The following POLG2 variants were observed in gnomAD, a reference collection of about 807,000 sequenced individuals.
The protein encoded by POLG2 is DNA polymerase subunit gamma-2.
POLG2 carries 50 observed loss-of-function variants against 56.5 expected under a neutral mutation model. The ratio of observed to expected loss-of-function variants is 0.88; its 90% CI spans 0.71 to 1.12. The LOEUF (loss-of-function observed/expected upper bound fraction) is 1.12, where lower values mean the gene tolerates loss of function less well. POLG2 is among the 50% of genes most tolerant of loss of function. The pLI is 0.00. For synonymous variants in POLG2, 226 were observed against 222.6 expected (o/e 1.02, Z -0.14); for missense variants, 584 against 583.3 (o/e 1.00, Z -0.01).
chr17:64,489,905 C>T (rs1168048282), intron 4 of POLG2, among the ~76,000 whole-genome samples: 1 of 152,018 alleles, frequency 6.6e-6, no homozygotes, highest in Non-Finnish European at 1.5e-5. Context: ...GCCCACAACA[C>T]TTATTAATTA....
rs1555666802 is a variant in POLG2 at position 64,482,959 on chromosome 17, G to A, written c.1151C>T (p.Ala384Val). Residue 384 changes from alanine (A) to valine (V), a missense_variant, in exon 6 of 8, where the codon GCT (alanine) becomes GTT (valine). Coordinates refer to ENST00000539111, the MANE Select transcript of POLG2 (RefSeq NM_007215.4). Reference sequence around the variant, plus strand: ...TGTGGGGCCTCTTCCTACATCCAAAGCAACCTTAATAGGGGCTAAACAAGG... The same window carrying A: ...TGTGGGGCCTCTTCCTACATCCAAAACAACCTTAATAGGGGCTAAACAAGG... ...LHPCLAPIKV[A>V]LDVGRGPTLE... is the part of the protein sequence containing the mutation. The A allele has an allele frequency of 1.2e-6, 2 of 1,607,762 alleles. No homozygotes were observed. Among genetic ancestry groups the A allele is most frequent in the Non-Finnish European group, 1.7e-6 (2 of 1,174,360 alleles).
chr17:64,491,193 G>A (rs1175928050), intron 3 of POLG2, among the ~76,000 whole-genome samples: 3 of 152,128 alleles, frequency 2.0e-5, no homozygotes, highest in Non-Finnish European at 2.9e-5. Context: ...CTAGTCACAG[G>A]TACAATCATA....
intron 3 of POLG2, 127 bp from the exon 4 acceptor site, chr17:64,491,096 T>A: frequency 5.4e-6 from 4 of 738,100 alleles, no homozygotes; most frequent in Non-Finnish European, 9.2e-6. Flanking sequence ...ACTAGTCAAG[T>A]CCCGAATACA....
intron 6 of POLG2, among the ~76,000 whole-genome samples, chr17:64,481,901 G>C (rs1301370413): frequency 6.6e-6 from 1 of 151,704 alleles, no homozygotes; most frequent in Non-Finnish European, 1.5e-5. Context: ...TAAATAAAAA[G>C]TTCAAAGGGG....
At chr17:64,485,566 T>C in intron 5 of POLG2, 162 bp downstream of exon 5, 1 of 651,700 alleles carries the variant, frequency 1.5e-6, no homozygotes, top group Non-Finnish European at 2.7e-6. Context: ...AACCTGATTC[T>C]TATTCCTGTG....
Position 64,492,728 on chromosome 17 carries a change from G to C in POLG2, c.734C>G (p.Pro245Arg). 6.2e-7 allele frequency: 1 copy of C among 1,613,120 alleles called. No individual in the cohort carries two copies. The highest frequency in any genetic ancestry group is 8.5e-7 in the Non-Finnish European group (1 of 1,179,522). ...ATCAAGCCACTGGTTTGAAGTTCTC[G>C]GAGGAGTAAACCATACTAACGAAGC... ...TEASLVWFTP[P>R]RTSNQWLDFW... is the part of the protein sequence containing the mutation. The change falls in exon 3 of 8, where the codon CCG (proline) becomes CGG (arginine). Residue 245 changes from proline to arginine, a missense_variant. Physicochemically the swap from Pro to Arg is moderately radical, Grantham distance 103. Transcript: ENST00000539111.
chr17:64,486,374 TAATAC>T lies in POLG2; in HGVS notation c.970-511_970-507del, dbSNP rs1568085461. Among the ~76,000 whole-genome samples the T allele has an allele frequency of 3.3e-5, 5 of 150,630 alleles. No homozygotes were observed. In the South Asian group the frequency reaches 8.5e-4, roughly 25 times the overall value. Reference sequence around the variant, plus strand: ...AGAAAGGTAACACTTTTTTTTTTTTTAATACAGACAGAGTCTCGCTCTGTCACCCA... The same window carrying T: ...AGAAAGGTAACACTTTTTTTTTTTTTAGACAGAGTCTCGCTCTGTCACCCA... On this transcript the variant is annotated intron_variant, in intron 4 of 7. Coordinates refer to ENST00000539111, the MANE Select transcript of POLG2 (RefSeq NM_007215.4).
At chr17:64,483,548 C>A (rs1477562963) in intron 5 of POLG2, among the ~76,000 whole-genome samples, 1 of 151,500 alleles carries the variant, frequency 6.6e-6, no homozygotes, top group Non-Finnish European at 1.5e-5. Context: ...TTGAGACCCT[C>A]CCATTTTCTG....
At chr17:64,486,579 T>G (rs2037960446) in intron 4 of POLG2, among the ~76,000 whole-genome samples, 1 of 152,080 alleles carries the variant, frequency 6.6e-6, no homozygotes, top group African/African-American at 2.4e-5. Context: ...GGCCAGGTTG[T>G]TCTCAAACTC....
At chr17:64,488,718 C>T (rs1568087040) in intron 4 of POLG2, among the ~76,000 whole-genome samples, 1 of 152,282 alleles carries the variant, frequency 6.6e-6, no homozygotes, top group South Asian at 2.1e-4. Flanking sequence ...GGAAAATGTT[C>T]ACCAGTTAAT....
Position 64,477,871 on chromosome 17 carries a change from T to C in POLG2, c.1410A>G (p.Lys470=). 1 of 1,611,632 alleles carries C rather than the reference T, an allele frequency of 6.2e-7. No homozygotes were observed. The part of the protein sequence containing the change: ...TTMKEMMHIS[K]LKDFLIKYIS... ...TATACTTAATCAAAAAGTCTTTTAA[T>C]TTGGATATATGCATCATTTCCTTCA... Residue 470 remains lysine, a synonymous_variant, in exon 8 of 8, where the codon AAA becomes AAG. Transcript: ENST00000539111.
chr17:64,485,487 G>A, intron 5 of POLG2: 3 of 511,816 alleles, frequency 5.9e-6, no homozygotes, highest in South Asian at 2.1e-5. Context: ...AGAGATAGCT[G>A]TCTGTTCACA....
At chr17:64,479,689 G>A (rs1451694928) in intron 7 of POLG2, among the ~76,000 whole-genome samples, 5 of 152,282 alleles carry the variant, frequency 3.3e-5, no homozygotes, top group African/African-American at 1.2e-4. Context: ...CAATAATCCA[G>A]GCAAGAGATA....
intron 6 of POLG2, among the ~76,000 whole-genome samples, chr17:64,482,160 G>C (rs1309511840): frequency 7.5e-6 from 1 of 133,808 alleles, no homozygotes; most frequent in East Asian, 2.4e-4. Context: ...CTGGAGTGCA[G>C]TGCTGCGATC....
chr17:64,479,743 A>G (rs1025715871), intron 7 of POLG2, among the ~76,000 whole-genome samples: 3 of 152,216 alleles, frequency 2.0e-5, no homozygotes, highest in Admixed American at 6.5e-5. Context: ...ACAGAGATGG[A>G]TGAGATACAT....
intron 5 of POLG2, among the ~76,000 whole-genome samples, 192 bp from the exon 6 acceptor site, chr17:64,483,191 A>C (rs1342519753): frequency 3.4e-4 from 52 of 152,162 alleles, no homozygotes; most frequent in Non-Finnish European, 6.6e-4. Context: ...GCTGCCCCCC[A>C]GATTTCTCCA....
At chr17:64,495,261 C>T (rs187148121) in intron 1 of POLG2, among the ~76,000 whole-genome samples, 1 of 149,524 alleles carries the variant, frequency 6.7e-6, no homozygotes, top group African/African-American at 2.5e-5. Context: ...GAACTTTAAA[C>T]GAAGAAAGTT....
chr17:64,492,337 A>C (rs1240981164), intron 3 of POLG2, among the ~76,000 whole-genome samples: 1 of 152,234 alleles, frequency 6.6e-6, no homozygotes, highest in East Asian at 1.9e-4. Flanking sequence ...TAATATGGAA[A>C]GTTCATGGAG....
At chr17:64,492,423 C>A (rs2038076836) in intron 3 of POLG2, among the ~76,000 whole-genome samples, 1 of 152,152 alleles carries the variant, frequency 6.6e-6, no homozygotes, top group Non-Finnish European at 1.5e-5. Context: ...TAGGTGAGGG[C>A]TTTGAATTTT....
Sources: gnomAD v4.1 joint callset for allele counts (sites outside exome capture counted in the v4.1 genomes callset) on GRCh38, gnomAD v4.1.1 for gene constraint, MANE v1.5 for transcripts, NCBI Gene and HGNC (gene_info 2026-07-23, HGNC 2026-07-21) for gene names.